The following GRID2 variants were observed in gnomAD, a reference collection of about 807,000 sequenced individuals.
The protein encoded by GRID2 is glutamate receptor ionotropic, delta-2.
GRID2 carries 33 observed loss-of-function variants against 114.8 expected under a neutral mutation model. The ratio of observed to expected loss-of-function variants is 0.29; its 90% CI spans 0.22 to 0.38. The LOEUF is 0.38. GRID2 is among the 10% of genes least tolerant of loss of function. The probability of loss-of-function intolerance (pLI) is 1.00; values close to 1 mark genes in which losing one functional copy is unlikely to be tolerated. For missense variants in GRID2, 1,184 were observed against 1,257.7 expected, an observed-to-expected ratio of 0.94 and a Z score of 0.89; for synonymous variants, 505 against 449.9, an observed-to-expected ratio of 1.12 and a Z score of -1.55.
intron 14 of GRID2, among the ~76,000 whole-genome samples, chr4:93,632,957 G>A (rs1721066833): frequency 6.6e-6 from 1 of 152,000 alleles, no homozygotes; most frequent in Non-Finnish European, 1.5e-5. Flanking sequence ...GGATTCCTAG[G>A]TATTTTATTC....
chr4:93,594,656 G>A (rs889458127), intron 13 of GRID2, among the ~76,000 whole-genome samples: 14 of 152,292 alleles, frequency 9.2e-5, no homozygotes, highest in South Asian at 2.1e-4. Context: ...CCCCAGCCTC[G>A]CTGCCACCTT....
chr4:93,060,352 A>T (rs1727667075), intron 2 of GRID2, among the ~76,000 whole-genome samples: 1 of 152,128 alleles, frequency 6.6e-6, no homozygotes, highest in Non-Finnish European at 1.5e-5. Context: ...ACATGTGCAG[A>T]TAGTAGGTTT....
rs189205800 is a variant in GRID2 at position 93,482,203 on chromosome 4, A to G, written c.1859-8436A>G. 8.5e-5 allele frequency among the ~76,000 whole-genome samples: 13 copies of G among 152,162 alleles called. No individual in the cohort carries two copies. The East Asian group carries it at 2.5e-3, about 30-fold the overall frequency. On this transcript the variant is annotated intron_variant, in intron 11 of 15. Transcript: ENST00000282020. The stretch of plus-strand genomic sequence containing the variant: ...ATATTACTGGGTATATACCCAAAGG[A>G]TTATAAATCATTTTACTATAAAGAC...
intron 8 of GRID2, among the ~76,000 whole-genome samples, chr4:93,351,658 G>A (rs1326562814): frequency 1.3e-5 from 2 of 151,942 alleles, no homozygotes; most frequent in African/African-American, 4.8e-5. Context: ...CATGCATTGT[G>A]CTAAGCTGCA....
At position 93,495,953 on chromosome 4, in the gene GRID2, G is replaced by A. The variant is rs540665316; in HGVS notation, c.1997+5176G>A. Among the ~76,000 whole-genome samples the A allele has an allele frequency of 4.6e-5, 7 of 151,862 alleles. No individual in the cohort carries two copies. The South Asian group carries it at 1.2e-3, about 27-fold the overall frequency. On this transcript the variant is annotated intron_variant, in intron 12 of 15. Coordinates refer to ENST00000282020, the MANE Select transcript of GRID2 (RefSeq NM_001510.4). ...AGACAGTGATTAATGAGGAAATTCT[G>A]GAAATGACTCTGTTTAGGCTGCGTT...
At chr4:93,350,266 T>C (rs1239813909) in intron 8 of GRID2, among the ~76,000 whole-genome samples, 2 of 152,110 alleles carry the variant, frequency 1.3e-5, no homozygotes, top group Non-Finnish European at 2.9e-5. Context: ...TTTCCCAACA[T>C]GCCCAGTTGC....
At chr4:92,524,202 A>C (rs1264403045) in intron 1 of GRID2, among the ~76,000 whole-genome samples, 1 of 151,998 alleles carries the variant, frequency 6.6e-6, no homozygotes, top group Non-Finnish European at 1.5e-5. Context: ...AATAGAAGTA[A>C]ATCCTAGACT....
At chr4:92,855,632 A>T (rs1578319079) in intron 2 of GRID2, among the ~76,000 whole-genome samples, 2 of 152,048 alleles carry the variant, frequency 1.3e-5, no homozygotes, top group East Asian at 3.9e-4. Context: ...TGGCCTTGGG[A>T]ATATAGGTCA....
intron 8 of GRID2, among the ~76,000 whole-genome samples, chr4:93,370,913 C>T (rs199787990): frequency 6.6e-6 from 1 of 151,728 alleles, no homozygotes; most frequent in Non-Finnish European, 1.5e-5. Flanking sequence ...AACTAAATTA[C>T]TGTAAATTAA....
At chr4:92,898,811 G>C (rs767426608) in intron 2 of GRID2, among the ~76,000 whole-genome samples, 18 of 152,022 alleles carry the variant, frequency 1.2e-4, no homozygotes, top group Non-Finnish European at 2.1e-4. Flanking sequence ...AGGTTTCAAT[G>C]GGAAATGTGC....
intron 2 of GRID2, among the ~76,000 whole-genome samples, chr4:93,033,297 T>C (rs1724606731): frequency 6.6e-6 from 1 of 152,124 alleles, no homozygotes; most frequent in African/African-American, 2.4e-5. Context: ...ATTATACCCA[T>C]GGTTATGGTT....
chr4:92,638,108 C>G (rs1237028759), intron 2 of GRID2, among the ~76,000 whole-genome samples: 1 of 151,874 alleles, frequency 6.6e-6, no homozygotes, highest in South Asian at 2.1e-4. Flanking sequence ...TAGTGTCAGT[C>G]ATTTCTAGAT....
At chr4:93,496,094 A>G (rs1905719) in intron 12 of GRID2, among the ~76,000 whole-genome samples, 118,824 of 149,950 alleles carry the variant, frequency 0.79, 47,198 homozygotes, top group Middle Eastern at 0.86. Flanking sequence ...TTTTTATTCC[A>G]TTTGAATGCA....
intron 14 of GRID2, among the ~76,000 whole-genome samples, chr4:93,633,763 C>G (rs1401797221): frequency 1.3e-5 from 2 of 152,110 alleles, no homozygotes; most frequent in Non-Finnish European, 2.9e-5. Context: ...TTCCAACTCC[C>G]TGCTGTAATA....
chr4:92,387,497 T>A (rs1730021537), intron 1 of GRID2, among the ~76,000 whole-genome samples: 1 of 151,934 alleles, frequency 6.6e-6, no homozygotes, highest in East Asian at 1.9e-4. Context: ...AGAGGGATAT[T>A]TCTTGAGGAT....
chr4:92,724,229 A>G (rs1421344348), intron 2 of GRID2, among the ~76,000 whole-genome samples: 1 of 152,114 alleles, frequency 6.6e-6, no homozygotes, highest in Admixed American at 6.6e-5. Context: ...TACAGTGTCT[A>G]TGTGTTAAGA....
intron 14 of GRID2, among the ~76,000 whole-genome samples, chr4:93,677,492 AC>A (rs936731205): frequency 1.3e-5 from 2 of 151,926 alleles, no homozygotes; most frequent in African/African-American, 4.8e-5. Context: ...TGGGTCCCTG[AC>A]CCCTGACCCC....
chr4:92,682,085 C>CT (rs5860285), intron 2 of GRID2, among the ~76,000 whole-genome samples: 103 of 149,074 alleles, frequency 6.9e-4, no homozygotes, highest in East Asian at 1.6e-3. Context: ...GAGAAAGAGT[C>CT]TTTTTTTTTT....
chr4:92,628,488 A>G (rs975709511), intron 2 of GRID2, among the ~76,000 whole-genome samples: 1 of 152,016 alleles, frequency 6.6e-6, no homozygotes, highest in South Asian at 2.1e-4. Context: ...CCTCCCGAGT[A>G]GCTGGGACTA....
Sources: allele counts gnomAD v4.1 joint callset (sites outside exome capture counted in the v4.1 genomes callset), GRCh38; gene constraint gnomAD v4.1.1; transcripts MANE v1.5; gene names NCBI Gene and HGNC (gene_info 2026-07-23, HGNC 2026-07-21).